ERG: variants seen among roughly 807,000 people sequenced by gnomAD.
ERG encodes ETS transcription factor ERG.
In ERG, 9 loss-of-function variants were observed where a neutral mutation model predicts 55.3. That is an observed-to-expected ratio of 0.16 (90% confidence interval 0.10 to 0.28). ERG has a LOEUF of 0.28. Among genes scored for constraint, ERG ranks in the 10% least tolerant of loss-of-function variants. The pLI, the probability that ERG is intolerant of heterozygous loss-of-function variation, is 1.00. For missense variants in ERG, 434 were observed against 631.6 expected, an observed-to-expected ratio of 0.69 and a Z score of 3.35; for synonymous variants, 223 against 237.3, an observed-to-expected ratio of 0.94 and a Z score of 0.55.
chr21:38,459,829 A>C (rs529448152), intron 1 of ERG, among the ~76,000 whole-genome samples: 1 of 152,356 alleles, frequency 6.6e-6, no homozygotes, highest in South Asian at 2.1e-4. Flanking sequence ...AAAACCACAA[A>C]GACACCTATC....
At chr21:38,524,703 T>C (rs771585880) in intron 2 of ERG, among the ~76,000 whole-genome samples, 1 of 152,218 alleles carries the variant, frequency 6.6e-6, no homozygotes, top group African/African-American at 2.4e-5. Context: ...AGATTTTCTT[T>C]ACTGGGGTGA....
In ERG at chr21:38,383,531, G is replaced by T; in HGVS notation, c.1312C>A (p.Leu438Ile). Residue 438 changes from leucine to isoleucine, a missense_variant, in exon 10 of 10, where the codon CTC becomes ATC. Transcript: ENST00000288319. This position sits in a 1 kb window ranked among gnomAD's most constrained non-coding sequence, Gnocchi z 5.7. ...MNFVAPHPPALPVTSSSFFAA... is the reference protein window; with the variant it reads ...MNFVAPHPPAIPVTSSSFFAA... ...AAAAAACTGGAAGATGTCACGGGGA[G>T]GGCTGGAGGGTGGGGCGCCACAAAG... is the stretch of plus-strand genomic sequence containing the variant. 6.3e-7 allele frequency: 1 copy of T among 1,576,024 alleles called. No individual in the cohort carries two copies. Among genetic ancestry groups the T allele is most frequent in the Non-Finnish European group, 8.6e-7 (1 of 1,157,564 alleles).
At chr21:38,403,310 C>T (rs2146455844) in intron 4 of ERG, among the ~76,000 whole-genome samples, 196 bp downstream of exon 4, 1 of 152,292 alleles carries the variant, frequency 6.6e-6, no homozygotes, top group African/African-American at 2.4e-5. Flanking sequence ...GCGCTGACTA[C>T]TTCTCATCAG....
At chr21:38,567,980 G>A (rs984326320) in intron 2 of ERG, among the ~76,000 whole-genome samples, 2 of 152,130 alleles carry the variant, frequency 1.3e-5, no homozygotes, top group African/African-American at 4.8e-5. Flanking sequence ...CGTCTTTTAT[G>A]GTCAGAAATA....
At chr21:38,456,584 TCTATC>T (rs2058991527) in intron 1 of ERG, among the ~76,000 whole-genome samples, 1 of 37,042 alleles carries the variant, frequency 2.7e-5, no homozygotes, top group African/African-American at 9.7e-5. Flanking sequence ...TCTTTTGCTT[TCTATC>T]CCCATCCCCA....
At chr21:38,523,309 C>G (rs1413443863) in intron 2 of ERG, among the ~76,000 whole-genome samples, 1 of 152,188 alleles carries the variant, frequency 6.6e-6, no homozygotes, top group Non-Finnish European at 1.5e-5. Context: ...TTGTCTATCA[C>G]AAATAAGCCA....
intron 1 of ERG, among the ~76,000 whole-genome samples, chr21:38,653,208 A>G (rs2060498542): frequency 6.6e-6 from 1 of 152,128 alleles, no homozygotes; most frequent in South Asian, 2.1e-4. Flanking sequence ...CCCTGAAGGC[A>G]CTGTGCAAGT....
intron 1 of ERG, among the ~76,000 whole-genome samples, chr21:38,611,035 T>A (rs2060223760): frequency 6.6e-6 from 1 of 152,068 alleles, no homozygotes. Flanking sequence ...TGGCAGAAGG[T>A]GGAACACAGA....
chr21:38,451,328 T>C (rs2058940012), intron 1 of ERG: 1 of 421,718 alleles, frequency 2.4e-6, no homozygotes, highest in Non-Finnish European at 4.7e-6. Flanking sequence ...CAGTTAATCA[T>C]TTCTTTTGCA....
intron 2 of ERG, among the ~76,000 whole-genome samples, chr21:38,523,625 T>C (rs932519050): frequency 6.6e-6 from 1 of 152,210 alleles, no homozygotes; most frequent in Non-Finnish European, 1.5e-5. Context: ...CCACTCATTA[T>C]TGTAATTCTC....
At chr21:38,447,401 A>G (rs1034652371) in intron 1 of ERG, among the ~76,000 whole-genome samples, 1 of 151,638 alleles carries the variant, frequency 6.6e-6, no homozygotes, top group Non-Finnish European at 1.5e-5. Flanking sequence ...AGAGTCAGGT[A>G]GGCCAGACAG....
intron 2 of ERG, among the ~76,000 whole-genome samples, chr21:38,570,570 T>C (rs2059951509): frequency 1.3e-5 from 2 of 152,230 alleles, no homozygotes; most frequent in Non-Finnish European, 2.9e-5. Context: ...TGTTTAGTAC[T>C]CAGTGGGGTC....
chr21:38,623,588 A>T (rs1377780323), intron 1 of ERG, among the ~76,000 whole-genome samples: 1 of 152,174 alleles, frequency 6.6e-6, no homozygotes, highest in Non-Finnish European at 1.5e-5. Flanking sequence ...TTCCAGTCAC[A>T]CCGTACATCA....
rs148024781 is a variant in ERG, at chr21:38,549,463, A to C, written c.-41+26199T>G. On this transcript the variant is annotated intron_variant, in intron 2 of 8. Transcript: ENST00000398897. The stretch of plus-strand genomic sequence containing the variant: ...CACGTGTTATAGCTTTGGCTTCCCT[A>C]ATCTAGATGTTCAATCTACTTTTCT... Among the ~76,000 whole-genome samples, 40 of 152,330 alleles carry C rather than the reference A, an allele frequency of 2.6e-4. No homozygotes were observed. The East Asian group carries it at 7.5e-3, about 29-fold the overall frequency.
At chr21:38,523,448 C>T (rs905135938) in intron 2 of ERG, among the ~76,000 whole-genome samples, 1 of 152,118 alleles carries the variant, frequency 6.6e-6, no homozygotes, top group Non-Finnish European at 1.5e-5. Context: ...AACATCTCCC[C>T]GAAAAATATT....
Position 38,383,180 on chromosome 21 carries a change from A to T in ERG, c.*223T>A. The T allele has an allele frequency of 4.7e-6, 6 of 1,263,998 alleles. No homozygotes were observed. The highest frequency in any genetic ancestry group is 6.0e-6 in the Non-Finnish European group (6 of 1,005,810). 78.3% of individuals were successfully genotyped at this position (1,263,998 alleles called of 1,614,324 possible). A position where few individuals can be genotyped will look rare whatever the true frequency, so the allele number is the denominator to read the frequency against. ...CTTTTACAAGGTCAGTCCACAGATGATATGTCCATATTCGTGACATTTTTA... is the reference window on the plus strand; with the variant it reads ...CTTTTACAAGGTCAGTCCACAGATGTTATGTCCATATTCGTGACATTTTTA... On this transcript the variant is annotated 3_prime_UTR_variant, in exon 10 of 10. Transcript: ENST00000288319. This position sits in a 1 kb window ranked among gnomAD's most constrained non-coding sequence, Gnocchi z 5.7.
chr21:38,582,039 T>A (rs1365801665), intron 1 of ERG, among the ~76,000 whole-genome samples: 1 of 86,998 alleles, frequency 1.1e-5, no homozygotes, highest in South Asian at 4.5e-4. Flanking sequence ...CGAGACTCCA[T>A]CTCACAAAAA....
intron 5 of ERG, among the ~76,000 whole-genome samples, chr21:38,400,944 C>T (rs1396333979): frequency 6.6e-6 from 1 of 152,204 alleles, no homozygotes; most frequent in East Asian, 1.9e-4. Context: ...TCCCACTGGG[C>T]AATCTCGTTT....
At chr21:38,611,078 A>C (rs2060224069) in intron 1 of ERG, among the ~76,000 whole-genome samples, 1 of 152,100 alleles carries the variant, frequency 6.6e-6, no homozygotes. Context: ...GACCCAACAC[A>C]AGGGCTTCAC....
Sources: gnomAD v4.1 joint callset for allele counts (sites outside exome capture counted in the v4.1 genomes callset) on GRCh38, gnomAD v4.1.1 for gene constraint, Gnocchi (gnomAD v3.1) non-coding constraint, MANE v1.5 for transcripts, NCBI Gene and HGNC (gene_info 2026-07-23, HGNC 2026-07-21) for gene names.